Variants in CSMD1 observed in about 807,000 individuals in gnomAD.
CSMD1 encodes the protein CUB and sushi domain-containing protein 1.
In CSMD1, 213 loss-of-function variants were observed where a neutral mutation model predicts 417.5. The ratio of observed to expected loss-of-function variants is 0.51; its 90% CI spans 0.46 to 0.57. The LOEUF (loss-of-function observed/expected upper bound fraction) is 0.57, where lower values mean the gene tolerates loss of function less well. CSMD1 is among the 20% of genes least tolerant of loss of function. The pLI is 0.00. For missense variants in CSMD1, 6,923 were observed against 4,529.7 expected, an observed-to-expected ratio of 1.53 and a Z score of -15.17; for synonymous variants, 2,862 against 1,736.8, an observed-to-expected ratio of 1.65 and a Z score of -16.11.
Position 4,588,615 on chromosome 8 carries a change from T to A in CSMD1, c.302+48727A>T, listed in dbSNP as rs553327840. On this transcript the variant is annotated intron_variant, in intron 2 of 69. Transcript: ENST00000635120. ...TCCTGGTTAACACGGTGAAACCCCA[T>A]CCCTACTAAAAACACAAAAATTAGC... is the stretch of plus-strand genomic sequence containing the variant. Among the ~76,000 whole-genome samples, 317 of 151,948 alleles carry A rather than the reference T, an allele frequency of 2.1e-3. 3 individuals carry two copies. Among genetic ancestry groups the A allele is most frequent in the African/African-American group, 6.9e-3 (285 of 41,470 alleles).
At chr8:4,684,336 A>G (rs1041072969) in intron 1 of CSMD1, among the ~76,000 whole-genome samples, 2 of 152,232 alleles carry the variant, frequency 1.3e-5, no homozygotes, top group Non-Finnish European at 2.9e-5. Flanking sequence ...CCAACAACAT[A>G]TAACCTACCT....
chr8:3,650,738 T>A (rs2469403), intron 7 of CSMD1, among the ~76,000 whole-genome samples: 78,366 of 152,008 alleles, frequency 0.52, 20,400 homozygotes, highest in Middle Eastern at 0.59. Context: ...TTCGATGACT[T>A]CTTCAGCATT....
intron 1 of CSMD1, among the ~76,000 whole-genome samples, chr8:4,842,676 G>A (rs1426443574): frequency 1.3e-5 from 2 of 152,090 alleles, no homozygotes; most frequent in Non-Finnish European, 2.9e-5. Context: ...TAGAACTCAG[G>A]AATTTTAATA....
At chr8:4,865,346 C>T (rs78321772) in intron 1 of CSMD1, among the ~76,000 whole-genome samples, 2,851 of 151,650 alleles carry the variant, frequency 0.019, 107 homozygotes, top group African/African-American at 0.064. Flanking sequence ...TACTGCAAGA[C>T]GAAATCAGCA....
intron 12 of CSMD1, among the ~76,000 whole-genome samples, chr8:3,430,478 T>G (rs1236343614): frequency 3.3e-5 from 5 of 152,160 alleles, no homozygotes; most frequent in African/African-American, 1.2e-4. Flanking sequence ...AGATGATGGT[T>G]ATGAAGTCCC....
chr8:3,359,107 C>G, intron 21 of CSMD1, 45 bp downstream of exon 21: 2 of 1,594,356 alleles, frequency 1.3e-6, no homozygotes, highest in Non-Finnish European at 1.7e-6. Flanking sequence ...CTGGGCTAGA[C>G]CCTGCCCCCA....
chr8:3,229,956 G>A, intron 27 of CSMD1, 84 bp downstream of exon 27: 1 of 965,450 alleles, frequency 1.0e-6, no homozygotes, highest in East Asian at 2.6e-5. Flanking sequence ...TATTTCTGAA[G>A]AAATAATACA....
At chr8:4,165,328 G>A (rs567195206) in intron 3 of CSMD1, among the ~76,000 whole-genome samples, 30 of 152,200 alleles carry the variant, frequency 2.0e-4, no homozygotes, top group Admixed American at 3.3e-4. Flanking sequence ...CTGTAGAAGC[G>A]CAAACACGTG....
intron 3 of CSMD1, among the ~76,000 whole-genome samples, chr8:4,073,380 A>C (rs1585254648): frequency 6.6e-6 from 1 of 152,132 alleles, no homozygotes; most frequent in African/African-American, 2.4e-5. Flanking sequence ...TACTTAATGA[A>C]GCTAAAAAAA....
chr8:3,787,957 GCTC>G (rs1799538506), intron 5 of CSMD1, among the ~76,000 whole-genome samples: 1 of 152,280 alleles, frequency 6.6e-6, no homozygotes, highest in Admixed American at 6.5e-5. Flanking sequence ...CCTTGCATGG[GCTC>G]CTAATGCTCT....
intron 5 of CSMD1, among the ~76,000 whole-genome samples, chr8:3,904,374 T>A (rs188875355): frequency 6.6e-6 from 1 of 152,286 alleles, no homozygotes; most frequent in Admixed American, 6.5e-5. Flanking sequence ...TAACTCTTTA[T>A]TGCAATGGAA....
chr8:4,318,394 C>A (rs146998441), intron 3 of CSMD1, among the ~76,000 whole-genome samples: 5 of 152,012 alleles, frequency 3.3e-5, no homozygotes, highest in Admixed American at 2.0e-4. Context: ...TCTCTATTTG[C>A]GCATTTTAGT....
At chr8:3,500,791 T>G (rs944482289) in intron 10 of CSMD1, among the ~76,000 whole-genome samples, 1 of 152,118 alleles carries the variant, frequency 6.6e-6, no homozygotes, top group Non-Finnish European at 1.5e-5. Context: ...GTTGTAGGCA[T>G]GGAAGAAGCG....
chr8:4,403,910 G>A (rs866692877), intron 3 of CSMD1, among the ~76,000 whole-genome samples: 13 of 152,100 alleles, frequency 8.5e-5, no homozygotes, highest in South Asian at 2.1e-4. Context: ...ACCCACACCC[G>A]CATTAACTCC....
chr8:3,338,814 T>C (rs1807447895), intron 23 of CSMD1, among the ~76,000 whole-genome samples: 1 of 150,912 alleles, frequency 6.6e-6, no homozygotes. Flanking sequence ...AGCCTTTCTT[T>C]TTTTTTTTTT....
chr8:4,774,520 A>G (rs1210414796), intron 1 of CSMD1, among the ~76,000 whole-genome samples: 1 of 152,216 alleles, frequency 6.6e-6, no homozygotes, highest in Non-Finnish European at 1.5e-5. Context: ...CTTTATAAAA[A>G]AGAATATCAT....
chr8:3,710,805 A>G (rs900099), intron 6 of CSMD1, among the ~76,000 whole-genome samples: 50,142 of 151,944 alleles, frequency 0.33, 8,437 homozygotes, highest in East Asian at 0.49. Flanking sequence ...AGGCTCACAG[A>G]TGCACAGGGA....
chr8:4,361,318 A>G (rs771014222), intron 3 of CSMD1, among the ~76,000 whole-genome samples: 4 of 152,222 alleles, frequency 2.6e-5, no homozygotes, highest in Non-Finnish European at 5.9e-5. Context: ...TTTTTAAAAT[A>G]TTAGATAATG....
chr8:4,283,063 G>T (rs138878438), intron 3 of CSMD1, among the ~76,000 whole-genome samples: 2 of 152,104 alleles, frequency 1.3e-5, no homozygotes, highest in Non-Finnish European at 2.9e-5. Context: ...GTTAGAAACA[G>T]ACTGTTTTTA....
Sources: allele counts gnomAD v4.1 joint callset (sites outside exome capture counted in the v4.1 genomes callset), GRCh38; gene constraint gnomAD v4.1.1; transcripts MANE v1.5; gene names NCBI Gene and HGNC (gene_info 2026-07-23, HGNC 2026-07-21).